The following PFDN4 variants were observed in gnomAD, a reference collection of about 807,000 sequenced individuals.
The protein encoded by PFDN4 is prefoldin 4.
PFDN4 carries 6 observed loss-of-function variants against 17.6 expected under a neutral mutation model. The observed-to-expected ratio is 0.34, with a 90% CI of 0.19 to 0.67. The LOEUF (loss-of-function observed/expected upper bound fraction) is 0.67, where lower values mean the gene tolerates loss of function less well. Ranked by LOEUF, PFDN4 falls within the 30% of genes least tolerant of loss-of-function variation. PFDN4 has a pLI of 0.68. For missense variants in PFDN4, 119 were observed against 158.4 expected (o/e 0.75, Z 1.33); for synonymous variants, 48 against 51.1 (o/e 0.94, Z 0.26).
At chr20:54,216,801 C>T (rs947331587) in intron 3 of PFDN4, among the ~76,000 whole-genome samples, 4 of 152,028 alleles carry the variant, frequency 2.6e-5, no homozygotes, top group East Asian at 1.9e-4. Context: ...GGATTACAGG[C>T]GCCCACCACC....
intron 1 of PFDN4, among the ~76,000 whole-genome samples, chr20:54,213,374 G>A (rs949310233): frequency 6.6e-6 from 1 of 152,208 alleles, no homozygotes; most frequent in Non-Finnish European, 1.5e-5. Flanking sequence ...ACATCCTGCT[G>A]CCTCTTCCAG....
intron 1 of PFDN4, among the ~76,000 whole-genome samples, chr20:54,210,533 G>A (rs898944491): frequency 1.3e-5 from 2 of 152,188 alleles, no homozygotes; most frequent in Admixed American, 6.5e-5. Flanking sequence ...TGGGGAGAGT[G>A]TTTAGATGAG....
chr20:54,211,846 G>C (rs1316656478), intron 1 of PFDN4, among the ~76,000 whole-genome samples: 1 of 152,062 alleles, frequency 6.6e-6, no homozygotes, highest in Non-Finnish European at 1.5e-5. Flanking sequence ...TACAGTCTCT[G>C]GGTATATCGA....
intron 1 of PFDN4, among the ~76,000 whole-genome samples, chr20:54,209,284 G>A (rs150795710): frequency 7.6e-4 from 115 of 152,290 alleles, no homozygotes; most frequent in African/African-American, 2.6e-3. Flanking sequence ...GAATCTCTTG[G>A]CTGGAGGGAT....
intron 3 of PFDN4, 134 bp from the exon 4 acceptor site, chr20:54,218,885 T>G: frequency 1.8e-6 from 1 of 551,726 alleles, no homozygotes. Flanking sequence ...TAGATCTAAT[T>G]ATCAGTGTTA....
At chr20:54,208,340 G>C (rs909865839) in intron 1 of PFDN4, 1 of 447,870 alleles carries the variant, frequency 2.2e-6, no homozygotes, top group African/African-American at 2.1e-5. Context: ...CGGGGCGCCG[G>C]GGCTGGGGCC....
rs114604833 is a variant in PFDN4, at chr20:54,215,570, C to T, written c.273+130C>T. 2,406 of 573,476 alleles carry T rather than the reference C, an allele frequency of 4.2e-3. 40 individuals carry two copies. The highest frequency in any genetic ancestry group is 0.04 in the African/African-American group (2,103 of 52,886). The allele number at this position is 573,476 out of a possible 1,614,324, so 35.5% of individuals were successfully genotyped here. A position where few individuals can be genotyped will look rare whatever the true frequency, so the allele number is the denominator to read the frequency against. ...GCCTTGTTATGTCCCAGGCATGCTC[C>T]GAATGCTTTGCCAGCAGGATTTTGT... is the stretch of plus-strand genomic sequence containing the variant. On this transcript the variant is annotated intron_variant, in intron 3 of 3. Coordinates refer to ENST00000371419, the MANE Select transcript of PFDN4 (RefSeq NM_002623.4).
At chr20:54,218,437 G>A (rs2146544093) in intron 3 of PFDN4, among the ~76,000 whole-genome samples, 1 of 152,168 alleles carries the variant, frequency 6.6e-6, no homozygotes, top group Admixed American at 6.5e-5. Context: ...AATCAAGATA[G>A]TTAACATGTC....
In PFDN4 at chr20:54,219,734, T is replaced by G. The variant is rs1347509249; in HGVS notation, c.*584T>G. 2.5e-6 allele frequency: 1 copy of G among 398,240 alleles called. No homozygotes were observed. Among genetic ancestry groups the G allele is most frequent in the East Asian group, 3.6e-5 (1 of 28,012 alleles). The allele number at this position is 398,240 out of a possible 1,614,324, so 24.7% of individuals were successfully genotyped here. A position where few individuals can be genotyped will look rare whatever the true frequency, so the allele number is the denominator to read the frequency against. On this transcript the variant is annotated 3_prime_UTR_variant, in exon 4 of 4. Transcript: ENST00000371419. ...GGTAATGTTTAAACATGTGGAGGCA[T>G]GTGGAGCTTTATACAAACAGGGCAG... is the stretch of plus-strand genomic sequence containing the variant.
intron 2 of PFDN4, among the ~76,000 whole-genome samples, chr20:54,214,754 G>A (rs1027541928): frequency 6.6e-6 from 1 of 152,146 alleles, no homozygotes; most frequent in Non-Finnish European, 1.5e-5. Context: ...TCCCAATGAG[G>A]AAGCCACCCT....
chr20:54,214,800 G>A (rs535027094), intron 2 of PFDN4, among the ~76,000 whole-genome samples: 1 of 152,242 alleles, frequency 6.6e-6, no homozygotes, highest in Non-Finnish European at 1.5e-5. Context: ...TGCTGCCAGT[G>A]CCACCTACCC....
intron 1 of PFDN4, among the ~76,000 whole-genome samples, chr20:54,209,472 C>G (rs1173455107): frequency 6.6e-6 from 1 of 152,140 alleles, no homozygotes; most frequent in Non-Finnish European, 1.5e-5. Context: ...TGTTGCTCAC[C>G]CTACTATTCT....
rs2092766979 is a variant in PFDN4 at position 54,219,528 on chromosome 20, A to G, written c.*378A>G. 1.0e-5 allele frequency: 4 copies of G among 392,178 alleles called. No homozygotes were observed. Among genetic ancestry groups the G allele is most frequent in the Admixed American group, 4.4e-5 (1 of 22,620 alleles). The allele number at this position is 392,178 out of a possible 1,614,324, so 24.3% of individuals were successfully genotyped here. A position where few individuals can be genotyped will look rare whatever the true frequency, so the allele number is the denominator to read the frequency against. ...TTAATTGCTGTCTAATGACGGGGAAAGCACGATGAAAAGATGTACAATCCT... is the reference window on the plus strand; with the variant it reads ...TTAATTGCTGTCTAATGACGGGGAAGGCACGATGAAAAGATGTACAATCCT... On this transcript the variant is annotated 3_prime_UTR_variant, in exon 4 of 4. Transcript: ENST00000371419.
At chr20:54,217,402 A>G (rs2092764063) in intron 3 of PFDN4, among the ~76,000 whole-genome samples, 1 of 152,188 alleles carries the variant, frequency 6.6e-6, no homozygotes, top group Admixed American at 6.5e-5. Flanking sequence ...GAGCACCTGA[A>G]ATTGTGGCCA....
At chr20:54,208,453 C>G (rs924383759) in intron 1 of PFDN4, 1 of 331,608 alleles carries the variant, frequency 3.0e-6, no homozygotes, top group Non-Finnish European at 5.4e-6. Flanking sequence ...GTGTGGGAAG[C>G]CGAAGGTCCC....
At chr20:54,218,411 C>T (rs2092765489) in intron 3 of PFDN4, among the ~76,000 whole-genome samples, 1 of 151,650 alleles carries the variant, frequency 6.6e-6, no homozygotes, top group African/African-American at 2.4e-5. Flanking sequence ...TTTATTAATA[C>T]AATATGGAAT....
chr20:54,216,721 A>C (rs1028500490), intron 3 of PFDN4, among the ~76,000 whole-genome samples: 1 of 151,986 alleles, frequency 6.6e-6, no homozygotes, highest in Non-Finnish European at 1.5e-5. Flanking sequence ...CAATGGCGCA[A>C]TCTCGGCTCA....
chr20:54,210,799 T>A (rs2092754777), intron 1 of PFDN4, among the ~76,000 whole-genome samples: 1 of 152,258 alleles, frequency 6.6e-6, no homozygotes, highest in Non-Finnish European at 1.5e-5. Context: ...TTTTTTGCTC[T>A]CTTCCTCCAC....
chr20:54,213,847 C>T (rs1041702926), intron 1 of PFDN4, among the ~76,000 whole-genome samples: 3 of 151,898 alleles, frequency 2.0e-5, no homozygotes, highest in African/African-American at 7.3e-5. Context: ...TTAAACAGGT[C>T]CTACATTATA....
Sources: gnomAD v4.1 joint callset for allele counts (sites outside exome capture counted in the v4.1 genomes callset) on GRCh38, gnomAD v4.1.1 for gene constraint, MANE v1.5 for transcripts, NCBI Gene and HGNC (gene_info 2026-07-23, HGNC 2026-07-21) for gene names.